The following NLRP7 variants were observed in gnomAD, a reference collection of about 807,000 sequenced individuals.
NLRP7 encodes the protein NACHT, LRR and PYD domains-containing protein 7.
NLRP7 carries 72 observed loss-of-function variants against 85.5 expected under a neutral mutation model. The ratio of observed to expected loss-of-function variants is 0.84; its 90% confidence interval spans 0.70 to 1.02. NLRP7 has a LOEUF of 1.02. Among genes scored for constraint, NLRP7 ranks in the 50% least tolerant of loss-of-function variants. The pLI is 0.00. For synonymous variants in NLRP7, 550 were observed against 505.2 expected, an observed-to-expected ratio of 1.09 and a Z score of -1.19; for missense variants, 1,243 against 1,219.5, an observed-to-expected ratio of 1.02 and a Z score of -0.29.
chr19:54,934,852 G>C lies in NLRP7; in HGVS notation c.2301-193C>G, dbSNP rs1456163229. 6.6e-6 allele frequency among the ~76,000 whole-genome samples: 1 copy of C among 152,022 alleles called. No individual in the cohort carries two copies. Among genetic ancestry groups the C allele is most frequent in the African/African-American group, 2.4e-5 (1 of 41,398 alleles). ...AGCCTCCGAAGTAGCTGGGATTACA[G>C]GCATTCGCCAATTTTTGTATTTTTA... On this transcript the variant is annotated intron_variant, in intron 6 of 9. Transcript: ENST00000340844. The surrounding 1 kb of genome is among the most constrained non-coding windows in gnomAD (Gnocchi z 6.7).
chr19:54,961,290 C>T (rs1211774394), intron 1 of NLRP7, among the ~76,000 whole-genome samples: 1 of 151,956 alleles, frequency 6.6e-6, no homozygotes, highest in Admixed American at 6.6e-5. Flanking sequence ...GCAGGTGGAT[C>T]ACCCGAGGTC....
At chr19:54,958,653 A>G (rs2069935180) in intron 1 of NLRP7, among the ~76,000 whole-genome samples, 1 of 151,390 alleles carries the variant, frequency 6.6e-6, no homozygotes, top group South Asian at 2.1e-4. Flanking sequence ...TCAAATAATA[A>G]TAATAATAAT....
At chr19:54,963,417 C>T (rs1172640715) in intron 1 of NLRP7, among the ~76,000 whole-genome samples, 4 of 151,410 alleles carry the variant, frequency 2.6e-5, no homozygotes, top group South Asian at 2.1e-4. Context: ...AGGCTGGGCG[C>T]GGTGGTTCGT....
At chr19:54,927,217 C>G (rs1360982140) in intron 9 of NLRP7, among the ~76,000 whole-genome samples, 2 of 151,616 alleles carry the variant, frequency 1.3e-5, no homozygotes, top group African/African-American at 4.8e-5. Context: ...GGTGAAACCC[C>G]TCTCTACTAA....
At chr19:54,932,771 T>G (rs1041488856) in intron 8 of NLRP7, among the ~76,000 whole-genome samples, 1 of 151,916 alleles carries the variant, frequency 6.6e-6, no homozygotes, top group African/African-American at 2.4e-5. Flanking sequence ...TTCTCCTACC[T>G]CAGCCTTCTG....
At chr19:54,954,126 C>G (rs897948546) in intron 1 of NLRP7, among the ~76,000 whole-genome samples, 2 of 149,456 alleles carry the variant, frequency 1.3e-5, no homozygotes, top group Non-Finnish European at 3.0e-5. Context: ...AGCCCCATGA[C>G]AGTTTACAAA....
At chr19:54,959,534 G>A (rs1256623446) in intron 1 of NLRP7, among the ~76,000 whole-genome samples, 2 of 151,608 alleles carry the variant, frequency 1.3e-5, no homozygotes, top group East Asian at 3.9e-4. Flanking sequence ...GGGAGGCTGA[G>A]GCAGGTGGAT....
At position 54,934,320 on chromosome 19, in the gene NLRP7, G is replaced by A. The variant is rs1159169627; in HGVS notation, c.2471+169C>T. Among the ~76,000 whole-genome samples the A allele has an allele frequency of 1.3e-5, 2 of 152,048 alleles. No homozygotes were observed. Among genetic ancestry groups the A allele is most frequent in the South Asian group, 2.1e-4 (1 of 4,820 alleles). On this transcript the variant is annotated intron_variant, in intron 7 of 9. Transcript: ENST00000340844. The surrounding 1 kb of genome is among the most constrained non-coding windows in gnomAD (Gnocchi z 6.7). Reference sequence around the variant, plus strand: ...TCGAACTCCTGAACTCAGATGATCCGCCCACCTCTCTGCTGAGATTACAGG... The same window carrying A: ...TCGAACTCCTGAACTCAGATGATCCACCCACCTCTCTGCTGAGATTACAGG...
At position 54,965,527 on chromosome 19, in the gene NLRP7, C is replaced by T. The variant is rs1345735255; in HGVS notation, c.-77+513G>A. On this transcript the variant is annotated intron_variant, in intron 1 of 2. Transcript: ENST00000587103. The stretch of plus-strand genomic sequence containing the variant: ...CTGGAGTGCAGTGGCGCGATCTCTG[C>T]TCACTGCAAGCTCCGCCTCCCGGGT... 5.1e-5 allele frequency: 5 copies of T among 97,486 alleles called. 2 individuals carry two copies. Among genetic ancestry groups the T allele is most frequent in the African/African-American group, 2.2e-4 (5 of 22,956 alleles). The allele number at this position is 97,486 out of a possible 1,614,324, so 6.0% of individuals were successfully genotyped here.
At chr19:54,960,329 T>C (rs2069998652) in intron 1 of NLRP7, among the ~76,000 whole-genome samples, 1 of 151,734 alleles carries the variant, frequency 6.6e-6, no homozygotes, top group Non-Finnish European at 1.5e-5. Flanking sequence ...CTAACTTTTG[T>C]ATTTTTAGTA....
upstream of NLRP7, among the ~76,000 whole-genome samples, chr19:54,951,517 T>C (rs1436014722): frequency 1.3e-5 from 2 of 151,724 alleles, no homozygotes; most frequent in African/African-American, 4.8e-5. Flanking sequence ...ACGACTGCAC[T>C]CCAGCCTGGG....
chr19:54,960,586 TTTA>T (rs2070008844), intron 1 of NLRP7, among the ~76,000 whole-genome samples: 1 of 151,200 alleles, frequency 6.6e-6, no homozygotes, highest in Non-Finnish European at 1.5e-5. Context: ...AAAAGATAGT[TTTA>T]TTTTTATTTT....
At chr19:54,940,867 G>T in intron 3 of NLRP7, 64 bp downstream of exon 3, 2 of 958,132 alleles carry the variant, frequency 2.1e-6, no homozygotes, top group African/African-American at 1.6e-5. Context: ...AAACCAGGAA[G>T]AAGTGATGCA....
In NLRP7 at chr19:54,941,416, C is replaced by T; in HGVS notation, c.277+19G>A. On this transcript the variant is annotated intron_variant, in intron 2 of 9. Transcript: ENST00000340844. ...AAAAAAAAAAAAAAAATGACCAGGA[C>T]ACCCCAGGTTCTACTTACCCATCAT... The T allele has an allele frequency of 3.2e-6, 4 of 1,235,478 alleles. No individual in the cohort carries two copies. The highest frequency in any genetic ancestry group is 4.8e-6 in the Non-Finnish European group (4 of 837,996). The allele number at this position is 1,235,478 out of a possible 1,614,324, so 76.5% of individuals were successfully genotyped here.
chr19:54,940,539 A>C, intron 3 of NLRP7, 73 bp from the exon 4 acceptor site: 1 of 1,540,530 alleles, frequency 6.5e-7, no homozygotes, highest in Non-Finnish European at 8.9e-7. Flanking sequence ...AAGTACCAGA[A>C]ATGAGGGCCA....
At chr19:54,929,868 A>AATCAGGAGAATCGCTTGAAC (rs2068598135) in intron 9 of NLRP7, among the ~76,000 whole-genome samples, 1 of 152,056 alleles carries the variant, frequency 6.6e-6, no homozygotes, top group Admixed American at 6.6e-5. Context: ...TAATCCCAGC[A>AATCAGGAGAATCGCTTGAAC]CTTTGGAAGG....
exon 10 of NLRP7, chr19:54,923,644 T>C (rs2068310676): frequency 1.5e-6 from 2 of 1,362,412 alleles, no homozygotes; most frequent in East Asian, 4.6e-5. Context: ...CGACAGACTC[T>C]AGTGTTAACA....
intron 4 of NLRP7, 137 bp from the exon 5 acceptor site, chr19:54,938,378 G>T: frequency 4.2e-6 from 3 of 721,602 alleles, no homozygotes; most frequent in East Asian, 2.6e-5. Context: ...AAACAATATT[G>T]CATCACATGC....
In NLRP7 at chr19:54,936,472, A is replaced by G. The variant is rs4806626; in HGVS notation, c.2130-41T>C. 29 of 1,529,404 alleles carry G rather than the reference A, an allele frequency of 1.9e-5. No homozygotes were observed. The South Asian group carries it at 3.1e-4, about 17-fold the overall frequency. The allele number at this position is 1,529,404 out of a possible 1,614,324, so 94.7% of individuals were successfully genotyped here. A position where few individuals can be genotyped will look rare whatever the true frequency, so the allele number is the denominator to read the frequency against. On this transcript the variant is annotated intron_variant, in intron 5 of 9. Coordinates refer to ENST00000340844, the Ensembl canonical transcript of NLRP7. ...AGAGATTCCACTTGGAGTGATTAAT[A>G]CTCACATTGTGTGGAGGCATGTATA... is the stretch of plus-strand genomic sequence containing the variant.
Sources: gnomAD v4.1 joint callset for allele counts (sites outside exome capture counted in the v4.1 genomes callset) on GRCh38, gnomAD v4.1.1 for gene constraint, Gnocchi (gnomAD v3.1) non-coding constraint, MANE v1.5 for transcripts, NCBI Gene and HGNC (gene_info 2026-07-23, HGNC 2026-07-21) for gene names.